PPCS: variants seen among roughly 807,000 people sequenced by gnomAD.
PPCS encodes phosphopantothenate--cysteine ligase.
A neutral mutation model predicts 24.6 loss-of-function variants in PPCS; 17 were observed. The observed-to-expected ratio is 0.69, with a 90% confidence interval of 0.47 to 1.04. The LOEUF (loss-of-function observed/expected upper bound fraction) is 1.04, where lower values mean the gene tolerates loss of function less well. Ranked by LOEUF, PPCS falls within the 50% of genes least tolerant of loss-of-function variation. PPCS has a pLI of 0.00. For synonymous variants in PPCS, 190 were observed against 168.3 expected (o/e 1.13, Z -1.00); for missense variants, 360 against 402.8 (o/e 0.89, Z 0.91).
At position 42,459,647 on chromosome 1, in the gene PPCS, A is replaced by G. The variant is rs1466939552; in HGVS notation, c.657A>G (p.Lys219=). 1 of 1,614,030 alleles carries G rather than the reference A, an allele frequency of 6.2e-7. No homozygotes were observed. The highest frequency in any genetic ancestry group is 2.2e-5 in the East Asian group (1 of 44,888). Residue 219 remains lysine (K), a synonymous_variant, in exon 3 of 3, where the codon AAA becomes AAG. Transcript: ENST00000372561. Reference sequence around the variant, plus strand: ...CAAAACTGCTTTCTCCTTTGGTTAAAGATTGGGCTCCCAAAGCATTTATAA... The same window carrying G: ...CAAAACTGCTTTCTCCTTTGGTTAAGGATTGGGCTCCCAAAGCATTTATAA... ...MVPKLLSPLV[K]DWAPKAFIIS...
At position 42,457,255 on chromosome 1, in the gene PPCS, G is replaced by C. The variant is rs1332996388; in HGVS notation, c.517G>C (p.Ala173Pro). The change falls in exon 2 of 3, where the codon GCG (alanine) becomes CCG (proline). Residue 173 changes from alanine (A) to proline (P), a missense_variant. Ala to Pro is a conservative substitution (Grantham distance 27). Transcript: ENST00000372561. ...AQALNPLGPS[A>P]MFYLAAAVSD... ...TGTGTTTCTCTTTGCAGGCCCTTCT[G>C]CGATGTTTTACCTGGCTGCGGCTGT... 6.2e-7 allele frequency: 1 copy of C among 1,613,954 alleles called. No individual in the cohort carries two copies. Among genetic ancestry groups the C allele is most frequent in the Non-Finnish European group, 8.5e-7 (1 of 1,180,008 alleles).
downstream of PPCS, among the ~76,000 whole-genome samples, chr1:42,462,695 T>C (rs551428971): frequency 4.6e-5 from 7 of 152,248 alleles, no homozygotes; most frequent in East Asian, 7.7e-4. Flanking sequence ...TTTTGTGTCA[T>C]TTATAAGTTT....
chr1:42,466,852 A>G (rs1166093007), intron 2 of PPCS, among the ~76,000 whole-genome samples: 2 of 152,156 alleles, frequency 1.3e-5, no homozygotes, highest in African/African-American at 4.8e-5. Flanking sequence ...GCGCCCGGCC[A>G]AGAATAGTAT....
chr1:42,458,806 G>A (rs72950589), intron 2 of PPCS, among the ~76,000 whole-genome samples: 1,850 of 152,298 alleles, frequency 0.012, 31 homozygotes, highest in African/African-American at 0.041. Context: ...GGTACTAGGA[G>A]TTTTGGTCAA....
At chr1:42,471,286 G>C (rs1305812106) in intron 2 of PPCS, among the ~76,000 whole-genome samples, 2 of 152,074 alleles carry the variant, frequency 1.3e-5, no homozygotes, top group Admixed American at 1.3e-4. Context: ...TCCAACCTTA[G>C]ACTCCCCTAC....
intron 2 of PPCS, among the ~76,000 whole-genome samples, chr1:42,470,917 C>T (rs1010638361): frequency 6.6e-6 from 1 of 151,986 alleles, no homozygotes; most frequent in Non-Finnish European, 1.5e-5. Context: ...TACTTCATCC[C>T]ATGGAATTTT....
chr1:42,460,228 A>G lies in PPCS; in HGVS notation c.*302A>G. The G allele has an allele frequency of 9.4e-7, 1 of 1,066,816 alleles. No homozygotes were observed. The highest frequency in any genetic ancestry group is 1.1e-6 in the Non-Finnish European group (1 of 880,896). 66.1% of individuals were successfully genotyped at this position (1,066,816 alleles called of 1,614,324 possible). A position where few individuals can be genotyped will look rare whatever the true frequency, so the allele number is the denominator to read the frequency against. ...TCAGCCATCTTTATACTATAGAAAA[A>G]GGATTATGGATGCATGAATGGTCAT... On this transcript the variant is annotated 3_prime_UTR_variant, in exon 3 of 3. Coordinates refer to ENST00000372561, the MANE Select transcript of PPCS (RefSeq NM_024664.4).
At chr1:42,472,137 C>T (rs1364001763) in intron 2 of PPCS, among the ~76,000 whole-genome samples, 1 of 152,014 alleles carries the variant, frequency 6.6e-6, no homozygotes, top group East Asian at 1.9e-4. Flanking sequence ...ACCTGTAATC[C>T]CAGCTACTCA....
Position 42,456,676 on chromosome 1 carries a change from G to A in PPCS, c.111G>A (p.Val37=), listed in dbSNP as rs1285069396. ...GGCTGGGCGCGCAGGGCCGGCGGGT[G>A]GTGTTGGTTACGTCAGGCGGCACCA... ...AARLGAQGRR[V]VLVTSGGTKV... The change falls in exon 1 of 3, where the codon GTG becomes GTA. Residue 37 remains valine (V), a synonymous_variant. Transcript: ENST00000372561. 6.2e-7 allele frequency: 1 copy of A among 1,604,562 alleles called. No individual in the cohort carries two copies.
intron 2 of PPCS, among the ~76,000 whole-genome samples, chr1:42,471,900 C>A (rs1375872741): frequency 6.6e-6 from 1 of 152,048 alleles, no homozygotes; most frequent in African/African-American, 2.4e-5. Flanking sequence ...TTTTAAAAAG[C>A]AAAATAGTAT....
chr1:42,469,006 A>G (rs1022865560), intron 2 of PPCS, among the ~76,000 whole-genome samples: 7 of 152,068 alleles, frequency 4.6e-5, no homozygotes, highest in Admixed American at 4.6e-4. Context: ...AGAAAGTGAC[A>G]TCACAGAACA....
chr1:42,456,453 G>C, upstream of PPCS: 4 of 1,136,304 alleles, frequency 3.5e-6, no homozygotes, highest in Non-Finnish European at 4.8e-6. Context: ...AGTGTCAAAA[G>C]AAGGGTAGTG....
At chr1:42,466,516 C>T (rs1462373775) in intron 2 of PPCS, among the ~76,000 whole-genome samples, 1 of 151,418 alleles carries the variant, frequency 6.6e-6, no homozygotes, top group African/African-American at 2.4e-5. Flanking sequence ...TTAGTATCTA[C>T]TTTGGACAGA....
chr1:42,466,258 A>T (rs1397254779), intron 2 of PPCS, among the ~76,000 whole-genome samples: 3 of 152,172 alleles, frequency 2.0e-5, no homozygotes, highest in African/African-American at 7.2e-5. Context: ...CTTTGCTCAG[A>T]GGCAGGAGAT....
intron 2 of PPCS, among the ~76,000 whole-genome samples, chr1:42,472,382 A>G (rs1205748529): frequency 3.3e-5 from 5 of 152,216 alleles, no homozygotes; most frequent in Admixed American, 6.5e-5. Flanking sequence ...AAAAAAATTG[A>G]TATTGATAGC....
downstream of PPCS, among the ~76,000 whole-genome samples, chr1:42,461,791 C>T (rs778203435): frequency 2.6e-5 from 4 of 152,170 alleles, no homozygotes; most frequent in Admixed American, 2.0e-4. Context: ...GTGATCTGCC[C>T]GCCCCGGCCT....
chr1:42,469,805 A>G (rs1002957942), intron 2 of PPCS, among the ~76,000 whole-genome samples: 4 of 152,150 alleles, frequency 2.6e-5, no homozygotes, highest in Admixed American at 6.5e-5. Context: ...CTGGGAGACA[A>G]GGTCATTTGC....
At position 42,456,550 on chromosome 1, in the gene PPCS, G is replaced by A. The variant is rs934650827; in HGVS notation, c.-16G>A. The A allele has an allele frequency of 3.9e-5, 57 of 1,453,394 alleles. No homozygotes were observed. Among genetic ancestry groups the A allele is most frequent in the Middle Eastern group, 1.9e-4 (1 of 5,380 alleles). 90.0% of individuals were successfully genotyped at this position (1,453,394 alleles called of 1,614,324 possible). A position where few individuals can be genotyped will look rare whatever the true frequency, so the allele number is the denominator to read the frequency against. On this transcript the variant is annotated 5_prime_UTR_variant, in exon 1 of 3. Coordinates refer to ENST00000372561, the MANE Select transcript of PPCS (RefSeq NM_024664.4). Reference sequence around the variant, plus strand: ...CGGCCGCGAAACGTGCGCAGGCGCCGGCCGCTGCGCTGCAGATGGCGGAAA... The same window carrying A: ...CGGCCGCGAAACGTGCGCAGGCGCCAGCCGCTGCGCTGCAGATGGCGGAAA...
Position 42,460,015 on chromosome 1 carries a change from GAT to G in PPCS, c.*91_*92del, listed in dbSNP as rs1643367638. On this transcript the variant is annotated 3_prime_UTR_variant, in exon 3 of 3. Transcript: ENST00000372561. ...AAAAACCATGGCTTTCATATGGACA[GAT>G]AAAATGAAAGAAAGGGAAAAGGCAG... 1.4e-6 allele frequency: 2 copies of G among 1,471,882 alleles called. No individual in the cohort carries two copies. Among genetic ancestry groups the G allele is most frequent in the Non-Finnish European group, 8.9e-7 (1 of 1,118,414 alleles). The allele number at this position is 1,471,882 out of a possible 1,614,324, so 91.2% of individuals were successfully genotyped here. A position where few individuals can be genotyped will look rare whatever the true frequency, so the allele number is the denominator to read the frequency against.
Sources: gnomAD v4.1 joint callset for allele counts (sites outside exome capture counted in the v4.1 genomes callset) on GRCh38, gnomAD v4.1.1 for gene constraint, MANE v1.5 for transcripts, NCBI Gene and HGNC (gene_info 2026-07-23, HGNC 2026-07-21) for gene names.